Variants in SESTD1 observed in about 807,000 individuals in gnomAD.
SESTD1 encodes the protein SEC14 and spectrin domain containing 1.
SESTD1 carries 43 observed loss-of-function variants against 101.7 expected under a neutral mutation model. That is an observed-to-expected ratio of 0.42 (90% CI 0.33 to 0.55). SESTD1 has a LOEUF of 0.55. Among genes scored for constraint, SESTD1 ranks in the 20% least tolerant of loss-of-function variants. The pLI is 0.07. For synonymous variants in SESTD1, 283 were observed against 286.8 expected, an observed-to-expected ratio of 0.99 and a Z score of 0.13; for missense variants, 647 against 815.1, an observed-to-expected ratio of 0.79 and a Z score of 2.51.
rs2044350823 is a variant in SESTD1, at chr2:179,105,084, T to C, written c.*4815A>G. On this transcript the variant is annotated 3_prime_UTR_variant, in exon 18 of 18. Transcript: ENST00000428443. ...CCTCTATTACAGTATCAGTCGGCCA[T>C]TTTCTGTTCATCATCACTGCCTGAG... 1 of 152,124 alleles carries C rather than the reference T, an allele frequency of 6.6e-6. No individual in the cohort carries two copies. The highest frequency in any genetic ancestry group is 1.5e-5 in the Non-Finnish European group (1 of 68,024). The allele number at this position is 152,124 out of a possible 1,614,324, so 9.4% of individuals were successfully genotyped here.
chr2:179,257,755 T>A (rs1015738213), intron 1 of SESTD1, among the ~76,000 whole-genome samples: 14 of 152,152 alleles, frequency 9.2e-5, no homozygotes, highest in African/African-American at 3.4e-4. Flanking sequence ...GGGCCACAAA[T>A]CTAGTTCTGG....
intron 5 of SESTD1, among the ~76,000 whole-genome samples, chr2:179,156,438 T>C (rs1156677646): frequency 1.3e-5 from 2 of 152,220 alleles, no homozygotes; most frequent in African/African-American, 2.4e-5. Context: ...TGTACTAGTT[T>C]ACATTCCCAC....
intron 1 of SESTD1, among the ~76,000 whole-genome samples, chr2:179,206,947 G>A (rs2105514150): frequency 1.5e-5 from 2 of 133,508 alleles, no homozygotes; most frequent in Middle Eastern, 4.3e-3. Context: ...CCACTTCCCT[G>A]GTGATCTATA....
intron 1 of SESTD1, among the ~76,000 whole-genome samples, chr2:179,219,130 T>C: frequency 6.6e-6 from 1 of 152,010 alleles, no homozygotes; most frequent in Admixed American, 6.6e-5. Context: ...GAACAGCAAG[T>C]TCTTGGTGGT....
intron 1 of SESTD1, among the ~76,000 whole-genome samples, chr2:179,216,178 G>C (rs1315870467): frequency 7.4e-6 from 1 of 134,654 alleles, no homozygotes; most frequent in Non-Finnish European, 1.6e-5. Context: ...ATTCAACTAG[G>C]AAAAGAGGAA....
rs560790915 is a variant in SESTD1, at chr2:179,161,062, C to T, written c.370-9671G>A. Among the ~76,000 whole-genome samples the T allele has an allele frequency of 1.2e-3, 178 of 149,932 alleles. 1 individual carries two copies. The highest frequency in any genetic ancestry group is 9.7e-3 in the South Asian group (45 of 4,656). On this transcript the variant is annotated intron_variant, in intron 5 of 17. Coordinates refer to ENST00000428443, the MANE Select transcript of SESTD1 (RefSeq NM_178123.5). ...TAGTAACTAGGAATACAGGTATGCA[C>T]CACCATACCTAGCTTTTTTTTTTTT...
intron 8 of SESTD1, 107 bp downstream of exon 8, chr2:179,146,295 G>T: frequency 9.4e-7 from 1 of 1,067,794 alleles, no homozygotes; most frequent in Non-Finnish European, 1.4e-6. Context: ...TTCCCCTTGA[G>T]TTCCTTCCAC....
At position 179,101,817 on chromosome 2, in the gene SESTD1, CAT is replaced by C. The variant is rs2044281518; in HGVS notation, c.*8080_*8081del. On this transcript the variant is annotated 3_prime_UTR_variant, in exon 18 of 18. Transcript: ENST00000428443. ...ACCTAGAGATGGATGGATACTCTAA[CAT>C]GTAAAGTAAACATGTCCATTAATAA... The C allele has an allele frequency of 2.6e-5, 4 of 152,234 alleles. No homozygotes were observed. Among genetic ancestry groups the C allele is most frequent in the East Asian group, 1.9e-4 (1 of 5,184 alleles). The allele number at this position is 152,234 out of a possible 1,614,324, so 9.4% of individuals were successfully genotyped here.
chr2:179,124,590 G>C, intron 10 of SESTD1, 32 bp from the exon 11 acceptor site: 1 of 1,521,102 alleles, frequency 6.6e-7, no homozygotes, highest in Non-Finnish European at 9.1e-7. Context: ...GTAAACTAAG[G>C]CTCAAATTAG....
intron 1 of SESTD1, among the ~76,000 whole-genome samples, chr2:179,215,262 AAG>A (rs1221934703): frequency 7.4e-6 from 1 of 135,204 alleles, no homozygotes; most frequent in East Asian, 2.0e-4. Flanking sequence ...TAAATAAGAA[AAG>A]AGAGAAGAAT....
At chr2:179,170,157 C>T (rs1385362110) in intron 5 of SESTD1, among the ~76,000 whole-genome samples, 1 of 141,178 alleles carries the variant, frequency 7.1e-6, no homozygotes. Context: ...ATTATGACAA[C>T]AAAAGTCTGA....
chr2:179,147,825 G>A (rs761224257), intron 7 of SESTD1, among the ~76,000 whole-genome samples: 10 of 152,124 alleles, frequency 6.6e-5, no homozygotes, highest in Non-Finnish European at 1.3e-4. Flanking sequence ...ACCAACATGG[G>A]ATGTCTTTCC....
chr2:179,234,564 G>A (rs961918897), intron 1 of SESTD1, among the ~76,000 whole-genome samples: 1 of 152,042 alleles, frequency 6.6e-6, no homozygotes, highest in Admixed American at 6.5e-5. Context: ...GATCACTTGG[G>A]GTCAGGAGTT....
chr2:179,170,240 T>C (rs1242865521), intron 5 of SESTD1, among the ~76,000 whole-genome samples: 1 of 150,142 alleles, frequency 6.7e-6, no homozygotes, highest in African/African-American at 2.4e-5. Context: ...AAAGAGGACT[T>C]CATCATAGTT....
intron 2 of SESTD1, among the ~76,000 whole-genome samples, chr2:179,188,732 G>A (rs2046273775): frequency 6.6e-6 from 1 of 152,000 alleles, no homozygotes; most frequent in East Asian, 1.9e-4. Context: ...AAAGAGAGGA[G>A]ATCCAAATAA....
intron 2 of SESTD1, among the ~76,000 whole-genome samples, chr2:179,185,576 A>ACAATACTATATTGTATATAATATG (rs1161621811): frequency 8.3e-5 from 11 of 131,898 alleles, no homozygotes; most frequent in Non-Finnish European, 1.4e-4. Flanking sequence ...TATATAATAT[A>ACAATACTATATTGTATATAATATG]CTATATTATA....
chr2:179,245,326 G>A (rs574110777), intron 1 of SESTD1, among the ~76,000 whole-genome samples: 1 of 152,110 alleles, frequency 6.6e-6, no homozygotes, highest in African/African-American at 2.4e-5. Context: ...GACCAGCCTG[G>A]CCAATATGGT....
chr2:179,108,106 C>G lies in SESTD1; in HGVS notation c.*1793G>C, dbSNP rs17454024. On this transcript the variant is annotated 3_prime_UTR_variant, in exon 18 of 18. Coordinates refer to ENST00000428443, the MANE Select transcript of SESTD1 (RefSeq NM_178123.5). ...TCTTTAATCAAGGTTGAAATGTCAA[C>G]TAGGCAATTAAAAAGAAGTACAAGT... is the stretch of plus-strand genomic sequence containing the variant. The G allele has an allele frequency of 0.057, 8,724 of 152,052 alleles. 318 individuals are homozygous for G. Among genetic ancestry groups the G allele is most frequent in the South Asian group, 0.11 (514 of 4,800 alleles). The allele number at this position is 152,052 out of a possible 1,614,324, so 9.4% of individuals were successfully genotyped here.
intron 5 of SESTD1, among the ~76,000 whole-genome samples, chr2:179,152,197 C>T (rs1205287571): frequency 6.6e-6 from 1 of 151,992 alleles, no homozygotes; most frequent in Admixed American, 6.5e-5. Flanking sequence ...AGCATCATTG[C>T]CACTCTCACA....
Sources: gnomAD v4.1 joint callset for allele counts (sites outside exome capture counted in the v4.1 genomes callset) on GRCh38, gnomAD v4.1.1 for gene constraint, MANE v1.5 for transcripts, NCBI Gene and HGNC (gene_info 2026-07-23, HGNC 2026-07-21) for gene names.